Variants in DNAAF5 observed in about 807,000 individuals in gnomAD.
DNAAF5 encodes the protein HEAT repeat containing 2.
DNAAF5 carries 64 observed loss-of-function variants against 75.8 expected under a neutral mutation model. The ratio of observed to expected loss-of-function variants is 0.84; its 90% CI spans 0.69 to 1.04. The LOEUF (loss-of-function observed/expected upper bound fraction) is 1.04, where lower values mean the gene tolerates loss of function less well. Among genes scored for constraint, DNAAF5 ranks in the 50% least tolerant of loss-of-function variants. DNAAF5 has a pLI of 0.00. For missense variants in DNAAF5, 1,269 were observed against 1,178.5 expected (o/e 1.08, Z -1.12); for synonymous variants, 657 against 557.2 (o/e 1.18, Z -2.52).
chr7:746,015 C>T (rs1257439229), intron 4 of DNAAF5, among the ~76,000 whole-genome samples: 7 of 152,202 alleles, frequency 4.6e-5, no homozygotes, highest in Non-Finnish European at 7.3e-5. Flanking sequence ...GTCAGTCAGT[C>T]GCATAAGCAC....
rs757946582 is a variant in DNAAF5 at position 754,761 on chromosome 7, G to A, written c.1197G>A (p.Glu399=). ...HAEDHATQHL[E]VVLRTLFQAC... is the part of the protein sequence containing the mutation. ...AGGACCACGCCACGCAGCACCTGGAGGTCGTCCTCCGGACCCTGTTCCAGG... is the reference window on the plus strand; with the variant it reads ...AGGACCACGCCACGCAGCACCTGGAAGTCGTCCTCCGGACCCTGTTCCAGG... The change falls in exon 5 of 13, where the codon GAG becomes GAA. Residue 399 remains glutamate (E), a synonymous_variant. Transcript: ENST00000297440. The surrounding 1 kb of genome is among the most constrained non-coding windows in gnomAD (Gnocchi z 4.8). 1 of 1,613,438 alleles carries A rather than the reference G, an allele frequency of 6.2e-7. No homozygotes were observed. Among genetic ancestry groups the A allele is most frequent in the South Asian group, 1.1e-5 (1 of 91,076 alleles).
At chr7:764,721 AAAAATACCC>A (rs1277800193) in intron 8 of DNAAF5, among the ~76,000 whole-genome samples, 1 of 152,164 alleles carries the variant, frequency 6.6e-6, no homozygotes, top group East Asian at 1.9e-4. Flanking sequence ...TGAGACTTGG[AAAAATACCC>A]AAAATTGTTC....
chr7:770,538 A>T lies in DNAAF5; in HGVS notation c.1851A>T (p.Gln617His). 6.2e-7 allele frequency: 1 copy of T among 1,613,966 alleles called. No homozygotes were observed. Among genetic ancestry groups the T allele is most frequent in the Non-Finnish European group, 8.5e-7 (1 of 1,179,994 alleles). The part of the protein sequence containing the change: ...PTLRACLQPS[Q>H]DPQMRLKLFS... ...TGAGGGCCTGTCTGCAGCCCTCCCA[A>T]GACCCGCAGATGCGCCTGAAGCTGT... is the stretch of plus-strand genomic sequence containing the variant. Residue 617 changes from glutamine (Q) to histidine (H), a missense_variant, in exon 9 of 13, where the codon CAA becomes CAT. Physicochemically the swap from Gln to His is conservative, Grantham distance 24. Transcript: ENST00000297440.
chr7:739,146 TG>T (rs1461989364), intron 2 of DNAAF5, among the ~76,000 whole-genome samples: 2 of 67,048 alleles, frequency 3.0e-5, no homozygotes, highest in African/African-American at 9.7e-5. Flanking sequence ...GGCTGCAGTC[TG>T]GCTTGTCTCA....
intron 8 of DNAAF5, among the ~76,000 whole-genome samples, chr7:767,238 C>CAAA (rs936022330): frequency 3.2e-4 from 21 of 66,430 alleles, no homozygotes; most frequent in African/African-American, 1.1e-3. Context: ...GACTCGGTCT[C>CAAA]AAAAAAAAAA....
At position 727,130 on chromosome 7, in the gene DNAAF5, C is replaced by A; in HGVS notation, c.410C>A (p.Ala137Asp). The change falls in exon 1 of 13, where the codon GCC becomes GAC. Residue 137 changes from alanine to aspartate, a missense_variant. Ala to Asp is a moderately radical substitution (Grantham distance 126). Transcript: ENST00000297440. ...GPVPARRPPEACEELRLALVQ... is the reference protein window; with the variant it reads ...GPVPARRPPEDCEELRLALVQ... Reference sequence around the variant, plus strand: ...GTGCCCGCGCGCCGCCCGCCCGAGGCCTGTGAGGAGCTGCGCCTGGCGCTT... The same window carrying A: ...GTGCCCGCGCGCCGCCCGCCCGAGGACTGTGAGGAGCTGCGCCTGGCGCTT... 1 of 1,201,306 alleles carries A rather than the reference C, an allele frequency of 8.3e-7. No homozygotes were observed. Among genetic ancestry groups the A allele is most frequent in the Non-Finnish European group, 1.0e-6 (1 of 967,408 alleles). 74.4% of individuals were successfully genotyped at this position (1,201,306 alleles called of 1,614,324 possible).
chr7:755,504 T>C (rs2128078528), intron 5 of DNAAF5, among the ~76,000 whole-genome samples: 1 of 152,334 alleles, frequency 6.6e-6, no homozygotes, highest in East Asian at 1.9e-4. Flanking sequence ...GTTGAAAATA[T>C]CCTCATCTTG....
intron 2 of DNAAF5, among the ~76,000 whole-genome samples, chr7:740,183 C>T (rs1008162774): frequency 3.9e-5 from 6 of 152,212 alleles, no homozygotes; most frequent in Non-Finnish European, 5.9e-5. Context: ...TGCTGGTCCC[C>T]GTCTCAGGCA....
chr7:749,823 C>T (rs186335165), intron 4 of DNAAF5, among the ~76,000 whole-genome samples: 247 of 152,228 alleles, frequency 1.6e-3, no homozygotes, highest in African/African-American at 5.7e-3. Context: ...CTCAGCCTCC[C>T]GAGTAGCTGT....
intron 4 of DNAAF5, among the ~76,000 whole-genome samples, chr7:752,964 G>A (rs1025885657): frequency 6.6e-6 from 1 of 152,238 alleles, no homozygotes; most frequent in Non-Finnish European, 1.5e-5. Context: ...GAAGACGCTC[G>A]GCGTCGTTAG....
rs1188071237 is a variant in DNAAF5, at chr7:761,787, A to T, written c.1505A>T (p.Gln502Leu). ...CTGGAGCGCCTGCTGCTGTGTGTGC[A>T]GGCTCTGGTGTCTGTGTGTCATGAG... Reference protein sequence around the residue: ...LYLERLLLCVQALVSVCHEDC... With the variant: ...LYLERLLLCVLALVSVCHEDC... Residue 502 changes from glutamine (Q) to leucine (L), a missense_variant, in exon 7 of 13, where the codon CAG becomes CTG. Gln to Leu is a moderately radical substitution (Grantham distance 113, BLOSUM62 -2). Coordinates refer to ENST00000297440, the MANE Select transcript of DNAAF5 (RefSeq NM_017802.4). 2 of 1,608,938 alleles carry T rather than the reference A, an allele frequency of 1.2e-6. No individual in the cohort carries two copies. The highest frequency in any genetic ancestry group is 1.7e-5 in the Admixed American group (1 of 59,444).
rs1439939626 is a variant in DNAAF5 at position 738,043 on chromosome 7, C to T, written c.781-2776C>T. ...TCTACCTGCTCTTGAAGGCCAGGAA[C>T]TCTTAGATTTGCCCCTTTGAGGCTA... On this transcript the variant is annotated intron_variant, in intron 2 of 12. Transcript: ENST00000297440. Among the ~76,000 whole-genome samples the T allele has an allele frequency of 5.3e-5, 8 of 152,320 alleles. No homozygotes were observed. The South Asian group carries it at 1.7e-3, about 32-fold the overall frequency.
chr7:745,476 G>A (rs1382921543), intron 4 of DNAAF5, among the ~76,000 whole-genome samples: 2 of 152,188 alleles, frequency 1.3e-5, no homozygotes, highest in Non-Finnish European at 2.9e-5. Flanking sequence ...ACACACACCT[G>A]TGCACACATG....
chr7:769,128 C>T (rs1411351565), intron 8 of DNAAF5: 3 of 765,702 alleles, frequency 3.9e-6, no homozygotes, highest in African/African-American at 3.4e-5. Flanking sequence ...TCTCAGTCCA[C>T]TACCGAGCAG....
chr7:743,596 A>T (rs1781990400), intron 4 of DNAAF5, among the ~76,000 whole-genome samples: 1 of 151,748 alleles, frequency 6.6e-6, no homozygotes, highest in South Asian at 2.1e-4. Flanking sequence ...AATTAGTTGC[A>T]AGCAAGGTTT....
At chr7:764,706 T>C (rs1428631320) in intron 8 of DNAAF5, among the ~76,000 whole-genome samples, 1 of 152,220 alleles carries the variant, frequency 6.6e-6, no homozygotes. Flanking sequence ...TCACCTTTTT[T>C]TTCCTGAGAC....
At chr7:785,445 C>T (rs780497871) in intron 12 of DNAAF5, 72 bp from the exon 13 acceptor site, 9 of 1,560,614 alleles carry the variant, frequency 5.8e-6, no homozygotes, top group Non-Finnish European at 7.9e-6. Context: ...ACTACAAAGC[C>T]AATTTGCACG....
At chr7:783,434 G>A (rs559278424) in intron 12 of DNAAF5, among the ~76,000 whole-genome samples, 41 of 152,284 alleles carry the variant, frequency 2.7e-4, no homozygotes, top group African/African-American at 8.4e-4. Context: ...CTCTGCGTGC[G>A]ACCACATGCC....
intron 2 of DNAAF5, among the ~76,000 whole-genome samples, chr7:737,820 TC>T (rs547181060): frequency 2.9e-4 from 44 of 152,360 alleles, no homozygotes; most frequent in African/African-American, 1.0e-3. Context: ...TGTTGTTTTT[TC>T]TCTTGCTGCT....
Sources: gnomAD v4.1 joint callset for allele counts (sites outside exome capture counted in the v4.1 genomes callset) on GRCh38, gnomAD v4.1.1 for gene constraint, Gnocchi (gnomAD v3.1) non-coding constraint, MANE v1.5 for transcripts, NCBI Gene and HGNC (gene_info 2026-07-23, HGNC 2026-07-21) for gene names.